The following RPH3A variants were observed in gnomAD, a reference collection of about 807,000 sequenced individuals.
The protein encoded by RPH3A is rabphilin 3A.
A neutral mutation model predicts 102.2 loss-of-function variants in RPH3A; 48 were observed. That is an observed-to-expected ratio of 0.47 (90% CI 0.37 to 0.60). RPH3A has a LOEUF of 0.60. Among genes scored for constraint, RPH3A ranks in the 20% least tolerant of loss-of-function variants. The pLI, the probability that RPH3A is intolerant of heterozygous loss-of-function variation, is 0.00. For synonymous variants in RPH3A, 310 were observed against 324.3 expected (o/e 0.96, Z 0.47); for missense variants, 781 against 910.1 (o/e 0.86, Z 1.83).
chr12:112,870,358 G>T (rs1035594332), intron 10 of RPH3A, among the ~76,000 whole-genome samples: 1 of 147,176 alleles, frequency 6.8e-6, no homozygotes, highest in Non-Finnish European at 1.5e-5. Context: ...CCTAGGCTTC[G>T]AACAAAGTAA....
chr12:112,609,840 C>T (rs932923513), intron 1 of RPH3A, among the ~76,000 whole-genome samples: 12 of 152,240 alleles, frequency 7.9e-5, no homozygotes, highest in Non-Finnish European at 1.3e-4. Context: ...AAGTCTGACA[C>T]GCAGTGGGCC....
intron 1 of RPH3A, among the ~76,000 whole-genome samples, chr12:112,609,171 C>T (rs962914260): frequency 1.3e-5 from 2 of 152,144 alleles, no homozygotes; most frequent in Non-Finnish European, 2.9e-5. Flanking sequence ...CAAGGGTTAT[C>T]CTTGACTTAT....
At chr12:112,883,744 G>C (rs529587260) in intron 16 of RPH3A, among the ~76,000 whole-genome samples, 15 of 152,104 alleles carry the variant, frequency 9.9e-5, no homozygotes, top group South Asian at 6.2e-4. Context: ...CATCTCATTA[G>C]TACATCTGTA....
chr12:112,857,217 G>T (rs2136205021), intron 5 of RPH3A, among the ~76,000 whole-genome samples: 1 of 152,276 alleles, frequency 6.6e-6, no homozygotes, highest in East Asian at 1.9e-4. Context: ...CTGCAGAGGA[G>T]AGCTAAAGTT....
At chr12:112,580,652 C>T (rs1214620520) in intron 1 of RPH3A, among the ~76,000 whole-genome samples, 1 of 151,906 alleles carries the variant, frequency 6.6e-6, no homozygotes, top group Non-Finnish European at 1.5e-5. Context: ...GTGATCCGCC[C>T]GCCTCGGCCT....
intron 13 of RPH3A, among the ~76,000 whole-genome samples, chr12:112,877,825 A>G (rs1173550055): frequency 1.3e-5 from 2 of 152,234 alleles, no homozygotes; most frequent in Non-Finnish European, 2.9e-5. Flanking sequence ...GCGTATGGAC[A>G]TCAGAGGTAA....
intron 4 of RPH3A, 22 bp from the exon 5 acceptor site, chr12:112,847,674 A>G (rs1454217791): frequency 1.2e-6 from 2 of 1,612,166 alleles, no homozygotes; most frequent in Non-Finnish European, 1.7e-6. Flanking sequence ...CCACCCTCAC[A>G]CCTTCCCAAA....
At chr12:112,680,267 TC>T (rs1451285078) in intron 1 of RPH3A, among the ~76,000 whole-genome samples, 1 of 152,150 alleles carries the variant, frequency 6.6e-6, no homozygotes, top group African/African-American at 2.4e-5. Flanking sequence ...TGGCTTTGGG[TC>T]CCAAAAGATC....
chr12:112,768,154 G>A (rs998585830), intron 1 of RPH3A, among the ~76,000 whole-genome samples: 12 of 152,116 alleles, frequency 7.9e-5, no homozygotes, highest in Admixed American at 7.9e-4. Flanking sequence ...AAAAGATATG[G>A]TATGCAAAGC....
At chr12:112,894,261 G>A (rs1448340723) in intron 19 of RPH3A, 1 of 393,122 alleles carries the variant, frequency 2.5e-6, no homozygotes, top group Non-Finnish European at 4.5e-6. Flanking sequence ...ACAGACTCTA[G>A]ATGCAACATC....
At chr12:112,866,069 A>G (rs2042606681) in intron 6 of RPH3A, among the ~76,000 whole-genome samples, 1 of 152,156 alleles carries the variant, frequency 6.6e-6, no homozygotes, top group African/African-American at 2.4e-5. Context: ...TCTGCACTTG[A>G]CAGTTTGGGA....
intron 1 of RPH3A, among the ~76,000 whole-genome samples, chr12:112,748,290 A>G (rs2040762014): frequency 6.6e-6 from 1 of 152,082 alleles, no homozygotes; most frequent in Non-Finnish European, 1.5e-5. Context: ...ATCATGCGGA[A>G]TGTTTAAAAC....
Position 112,694,650 on chromosome 12 carries a change from GCACA to G in RPH3A, c.-139-97462_-139-97459del, listed in dbSNP as rs71086119. ...CACACGCACGCGCGCGCGCGCACAC[GCACA>G]CACACACACACACACACACACACAC... On this transcript the variant is annotated intron_variant, in intron 1 of 21. Coordinates refer to the RPH3A transcript ENST00000543106. 2.8e-3 allele frequency among the ~76,000 whole-genome samples: 276 copies of G among 98,594 alleles called. 2 individuals carry two copies. The highest frequency in any genetic ancestry group is 4.3e-3 in the Non-Finnish European group (202 of 46,816). 64.7% of individuals were successfully genotyped at this position (98,594 alleles called of 152,430 possible). A position where few individuals can be genotyped will look rare whatever the true frequency, so the allele number is the denominator to read the frequency against.
intron 3 of RPH3A, among the ~76,000 whole-genome samples, chr12:112,832,320 A>G (rs1417525774): frequency 6.6e-6 from 1 of 152,182 alleles, no homozygotes; most frequent in African/African-American, 2.4e-5. Flanking sequence ...AAAATTATTC[A>G]TTCATTTTAA....
At chr12:112,733,703 A>C (rs956623742) in intron 1 of RPH3A, among the ~76,000 whole-genome samples, 2 of 152,166 alleles carry the variant, frequency 1.3e-5, no homozygotes, top group Non-Finnish European at 2.9e-5. Context: ...TTCTTTCTTA[A>C]AGGAAGATAG....
At chr12:112,614,398 G>C (rs2039661504) in intron 1 of RPH3A, among the ~76,000 whole-genome samples, 1 of 151,752 alleles carries the variant, frequency 6.6e-6, no homozygotes, top group Non-Finnish European at 1.5e-5. Context: ...AAGATCCTTT[G>C]TGGGGCTGGG....
chr12:112,830,126 T>A (rs2136156378), intron 3 of RPH3A, among the ~76,000 whole-genome samples: 1 of 152,316 alleles, frequency 6.6e-6, no homozygotes, highest in Admixed American at 6.5e-5. Flanking sequence ...TATATTTACC[T>A]CTTTAATATA....
intron 1 of RPH3A, among the ~76,000 whole-genome samples, chr12:112,612,764 T>A (rs1268772444): frequency 1.3e-5 from 2 of 151,568 alleles, no homozygotes; most frequent in African/African-American, 4.8e-5. Flanking sequence ...TTGTAGAGAC[T>A]GGAGTTTCAT....
At chr12:112,812,925 A>G (rs1402393522) in intron 2 of RPH3A, among the ~76,000 whole-genome samples, 1 of 152,210 alleles carries the variant, frequency 6.6e-6, no homozygotes, top group Non-Finnish European at 1.5e-5. Context: ...TTATAGCTCT[A>G]TTTGGCAGAC....
Sources: allele counts gnomAD v4.1 joint callset (sites outside exome capture counted in the v4.1 genomes callset), GRCh38; gene constraint gnomAD v4.1.1; transcripts MANE v1.5; gene names NCBI Gene and HGNC (gene_info 2026-07-23, HGNC 2026-07-21).